Variants in ADAM10 observed in about 807,000 individuals in gnomAD.
ADAM10 encodes ADAM metallopeptidase domain 10, also known as disintegrin and metalloproteinase domain-containing protein 10.
Under a neutral mutation model 90.1 loss-of-function variants are expected in ADAM10, and 17 were observed. That is an observed-to-expected ratio of 0.19 (90% CI 0.13 to 0.28). ADAM10 has a LOEUF of 0.28. ADAM10 is among the 10% of genes least tolerant of loss of function. The pLI, the probability that ADAM10 is intolerant of heterozygous loss-of-function variation, is 1.00. For missense variants in ADAM10, 610 were observed against 914.3 expected, an observed-to-expected ratio of 0.67 and a Z score of 4.29; for synonymous variants, 310 against 298.6, an observed-to-expected ratio of 1.04 and a Z score of -0.40.
chr15:58,702,968 G>T (rs1267605065), intron 2 of ADAM10, among the ~76,000 whole-genome samples: 2 of 152,060 alleles, frequency 1.3e-5, no homozygotes, highest in African/African-American at 4.8e-5. Context: ...CCAAGCGACT[G>T]GATTATAGCT....
chr15:58,617,853 T>C (rs1895662037), intron 11 of ADAM10, among the ~76,000 whole-genome samples: 3 of 142,052 alleles, frequency 2.1e-5, no homozygotes, highest in African/African-American at 7.8e-5. Context: ...ATTAAATTTC[T>C]AGAAGGAAAA....
chr15:58,597,388 T>A lies in ADAM10; in HGVS notation c.*159A>T, dbSNP rs1189379674. ...ATTGGAATTTTCAGGCTTTAAAATT[T>A]AAGTAATTCCACCTGGTCTGAGGAT... On this transcript the variant is annotated 3_prime_UTR_variant, in exon 16 of 16. Coordinates refer to ENST00000260408, the MANE Select transcript of ADAM10 (RefSeq NM_001110.4). The A allele has an allele frequency of 1.3e-6, 2 of 1,546,330 alleles. No individual in the cohort carries two copies. Among genetic ancestry groups the A allele is most frequent in the Admixed American group, 4.0e-5 (2 of 50,412 alleles).
In ADAM10 at chr15:58,655,711, G is replaced by GTGTGTATA. The variant is rs1212041296; in HGVS notation, c.585+9385_585+9386insTATACACA. On this transcript the variant is annotated intron_variant, in intron 5 of 15. Coordinates refer to ENST00000260408, the MANE Select transcript of ADAM10 (RefSeq NM_001110.4). ...ATTATATATAGTATATATATATATA[G>GTGTGTATA]TATATATATATATATATATATATAT... is the stretch of plus-strand genomic sequence containing the variant. 3.4e-4 allele frequency among the ~76,000 whole-genome samples: 18 copies of GTGTGTATA among 53,710 alleles called. 1 individual carries two copies. In the East Asian group the frequency reaches 3.5e-3, roughly 10 times the overall value. The allele number at this position is 53,710 out of a possible 152,430, so 35.2% of individuals were successfully genotyped here.
chr15:58,683,354 A>G (rs1347573366), intron 2 of ADAM10, among the ~76,000 whole-genome samples: 1 of 152,148 alleles, frequency 6.6e-6, no homozygotes, highest in East Asian at 1.9e-4. Flanking sequence ...AATTTGTAAC[A>G]TAAAGTTGTA....
At chr15:58,693,847 CT>C (rs1897897621) in intron 2 of ADAM10, among the ~76,000 whole-genome samples, 2 of 148,576 alleles carry the variant, frequency 1.3e-5, no homozygotes, top group African/African-American at 2.5e-5. Context: ...TTCGGAATAT[CT>C]TTTTAAAAAC....
intron 2 of ADAM10, among the ~76,000 whole-genome samples, chr15:58,713,159 G>A (rs553611000): frequency 1.6e-4 from 25 of 152,146 alleles, no homozygotes; most frequent in Non-Finnish European, 1.5e-4. Context: ...GGAGCGCAGT[G>A]GCACAATCAT....
Position 58,621,737 on chromosome 15 carries a change from A to C in ADAM10, c.1361-116T>G, listed in dbSNP as rs112258149. The C allele has an allele frequency of 2.3e-3, 3,029 of 1,295,318 alleles. 51 individuals are homozygous for C. The African/African-American group carries it at 0.036, about 15-fold the overall frequency. The allele number at this position is 1,295,318 out of a possible 1,614,324, so 80.2% of individuals were successfully genotyped here. ...GGATAAAGGAAAACTTTGATGAATA[A>C]GTAGAACAAACTAGGAATCTGGAAA... On this transcript the variant is annotated intron_variant, in intron 10 of 15. Coordinates refer to ENST00000260408, the MANE Select transcript of ADAM10 (RefSeq NM_001110.4).
intron 7 of ADAM10, among the ~76,000 whole-genome samples, chr15:58,642,333 T>C (rs1435447011): frequency 6.6e-6 from 1 of 151,720 alleles, no homozygotes; most frequent in Non-Finnish European, 1.5e-5. Flanking sequence ...GGCATGACAG[T>C]GGACGCCTGT....
intron 1 of ADAM10, among the ~76,000 whole-genome samples, chr15:58,729,176 A>C (rs1899140222): frequency 6.6e-6 from 1 of 152,120 alleles, no homozygotes; most frequent in African/African-American, 2.4e-5. Context: ...TGGGCAACAT[A>C]GCGAGACCCT....
rs1566960154 is a variant in ADAM10 at position 58,593,149 on chromosome 15, A to ATATTTTTTTT, written c.*4397_*4398insAAAAAAAATA. The ATATTTTTTTT allele has an allele frequency of 1.5e-5, 1 of 68,402 alleles. No individual in the cohort carries two copies. The allele number at this position is 68,402 out of a possible 1,614,324, so 4.2% of individuals were successfully genotyped here. On this transcript the variant is annotated 3_prime_UTR_variant, in exon 16 of 16. Coordinates refer to ENST00000260408, the MANE Select transcript of ADAM10 (RefSeq NM_001110.4). Reference sequence around the variant, plus strand: ...AAAGTAACAAAGGCCAGGTACTCAAATTTTTTTTTTTTTTTTTTTTTTTTT... The same window carrying ATATTTTTTTT: ...AAAGTAACAAAGGCCAGGTACTCAAATATTTTTTTTTTTTTTTTTTTTTTTTTTTTTTTTT...
intron 2 of ADAM10, among the ~76,000 whole-genome samples, chr15:58,708,345 A>C (rs771015653): frequency 6.6e-6 from 1 of 152,010 alleles, no homozygotes; most frequent in Non-Finnish European, 1.5e-5. Context: ...AATGCTGAAC[A>C]TCTTCCTGGT....
intron 3 of ADAM10, among the ~76,000 whole-genome samples, chr15:58,681,884 T>C (rs572888387): frequency 1.4e-4 from 22 of 152,328 alleles, no homozygotes; most frequent in Middle Eastern, 3.4e-3. Context: ...AAAGTTACTA[T>C]TAATTTCTTA....
At chr15:58,603,878 A>T (rs981661840) in intron 14 of ADAM10, among the ~76,000 whole-genome samples, 1 of 119,938 alleles carries the variant, frequency 8.3e-6, no homozygotes, top group African/African-American at 4.6e-5. Context: ...TCCAGGGTTA[A>T]AAAAAAAAAA....
At chr15:58,719,647 T>C (rs1898776634) in intron 1 of ADAM10, among the ~76,000 whole-genome samples, 1 of 152,172 alleles carries the variant, frequency 6.6e-6, no homozygotes, top group Non-Finnish European at 1.5e-5. Context: ...ACAATGTGAA[T>C]ATACTTAACA....
intron 2 of ADAM10, among the ~76,000 whole-genome samples, chr15:58,684,047 T>C (rs1265308640): frequency 1.3e-5 from 2 of 152,154 alleles, no homozygotes; most frequent in African/African-American, 2.4e-5. Context: ...CATCCTCCTG[T>C]ACACTTTAAA....
intron 11 of ADAM10, among the ~76,000 whole-genome samples, chr15:58,617,220 A>T (rs1895641305): frequency 6.6e-6 from 1 of 152,120 alleles, no homozygotes; most frequent in African/African-American, 2.4e-5. Context: ...AAAAATATCC[A>T]AATAAAATCA....
intron 1 of ADAM10, chr15:58,749,073 G>C (rs1899888227): frequency 2.5e-6 from 1 of 398,696 alleles, no homozygotes; most frequent in Non-Finnish European, 4.4e-6. Context: ...AGCGCTGAAC[G>C]AGGACGGCGA....
chr15:58,712,161 G>A (rs1237469866), intron 2 of ADAM10, among the ~76,000 whole-genome samples: 1 of 151,948 alleles, frequency 6.6e-6, no homozygotes, highest in Non-Finnish European at 1.5e-5. Context: ...ATTCCAACAT[G>A]TTATATAGAA....
chr15:58,611,282 T>A (rs1215663925), intron 12 of ADAM10, 175 bp from the exon 13 acceptor site: 2 of 600,330 alleles, frequency 3.3e-6, no homozygotes, highest in African/African-American at 3.7e-5. Flanking sequence ...TTTGAAAAAA[T>A]TTGAAAAACA....
Sources: allele counts gnomAD v4.1 joint callset (sites outside exome capture counted in the v4.1 genomes callset), GRCh38; gene constraint gnomAD v4.1.1; transcripts MANE v1.5; gene names NCBI Gene and HGNC (gene_info 2026-07-23, HGNC 2026-07-21).